The following LRP1B variants were observed in gnomAD, a reference collection of about 807,000 sequenced individuals.
LRP1B encodes LDL receptor related protein 1B.
A neutral mutation model predicts 556.6 loss-of-function variants in LRP1B; 217 were observed. The observed-to-expected ratio is 0.39, with a 90% CI of 0.35 to 0.44. LRP1B has a LOEUF of 0.44. Among genes scored for constraint, LRP1B ranks in the 20% least tolerant of loss-of-function variants. LRP1B has a pLI of 1.00. For missense variants in LRP1B, 5,053 were observed against 5,620.8 expected (o/e 0.90, Z 3.23); for synonymous variants, 2,047 against 1,865.8 (o/e 1.10, Z -2.50).
chr2:141,629,870 C>T (rs985147138), intron 2 of LRP1B, among the ~76,000 whole-genome samples: 1 of 151,960 alleles, frequency 6.6e-6, no homozygotes, highest in Non-Finnish European at 1.5e-5. Flanking sequence ...GATACCCAGC[C>T]AACTATTTGA....
chr2:140,421,681 C>A lies in LRP1B; in HGVS notation c.10414+20823G>T, dbSNP rs1685450973. Reference sequence around the variant, plus strand: ...AATAGACAAAGCATAATTTTAGGGTCTAATGTAAGTTAAGTACACATATAT... The same window carrying A: ...AATAGACAAAGCATAATTTTAGGGTATAATGTAAGTTAAGTACACATATAT... On this transcript the variant is annotated intron_variant, in intron 66 of 90. Coordinates refer to ENST00000389484, the MANE Select transcript of LRP1B (RefSeq NM_018557.3). Among the ~76,000 whole-genome samples, 4 of 152,282 alleles carry A rather than the reference C, an allele frequency of 2.6e-5. No homozygotes were observed. The South Asian group carries it at 8.3e-4, about 32-fold the overall frequency.
intron 1 of LRP1B, among the ~76,000 whole-genome samples, chr2:142,009,440 C>A (rs1221866513): frequency 1.3e-5 from 2 of 152,142 alleles, no homozygotes; most frequent in Non-Finnish European, 2.9e-5. Context: ...TGCATTGATA[C>A]TTCACATGCA....
intron 41 of LRP1B, among the ~76,000 whole-genome samples, chr2:140,629,477 C>T (rs1463018746): frequency 3.3e-5 from 5 of 150,770 alleles, no homozygotes; most frequent in Admixed American, 6.7e-5. Context: ...AGTATAAAAA[C>T]AGGCTTATGT....
At chr2:141,050,382 G>A (rs946350809) in intron 10 of LRP1B, among the ~76,000 whole-genome samples, 2 of 151,808 alleles carry the variant, frequency 1.3e-5, no homozygotes, top group Non-Finnish European at 1.5e-5. Flanking sequence ...GAGTGTGCAG[G>A]TTTGTTACAT....
chr2:140,308,217 T>G (rs1684146139), intron 83 of LRP1B, among the ~76,000 whole-genome samples: 1 of 151,812 alleles, frequency 6.6e-6, no homozygotes, highest in African/African-American at 2.4e-5. Flanking sequence ...CTAGATTTAT[T>G]TGATAAACTG....
In LRP1B at chr2:140,371,265, G is replaced by C. The variant is rs760854078; in HGVS notation, c.10789C>G (p.Arg3597Gly). 1 of 1,579,778 alleles carries C rather than the reference G, an allele frequency of 6.3e-7. No homozygotes were observed. The highest frequency in any genetic ancestry group is 1.4e-5 in the African/African-American group (1 of 73,632). Residue 3597 changes from arginine to glycine, a missense_variant, in exon 70 of 91, where the codon CGT (arginine) becomes GGT (glycine). Around this residue, in one of 5 missense-constraint regions of LRP1B, gnomAD observed 599 missense variants for 648.4 expected, o/e 0.92. Transcript: ENST00000389484. ...CCATCACTGGCACATATATATTCAC[G>C]TGATGAGCAAGTAGGAGAAGCTGAA... ...CEPASPTCSS[R>G]EYICASDGCI...
At chr2:141,688,185 C>G (rs921951371) in intron 2 of LRP1B, among the ~76,000 whole-genome samples, 4 of 151,432 alleles carry the variant, frequency 2.6e-5, no homozygotes, top group Admixed American at 1.3e-4. Flanking sequence ...CGTTTTAGTT[C>G]AAATTTGTAC....
At chr2:141,548,424 T>C (rs956426489) in intron 2 of LRP1B, among the ~76,000 whole-genome samples, 1 of 152,238 alleles carries the variant, frequency 6.6e-6, no homozygotes, top group East Asian at 1.9e-4. Flanking sequence ...GTGAATTAGA[T>C]GTGGATTACA....
At chr2:140,537,490 A>G (rs189160048) in intron 45 of LRP1B, among the ~76,000 whole-genome samples, 37 of 152,106 alleles carry the variant, frequency 2.4e-4, no homozygotes, top group Non-Finnish European at 4.7e-4. Flanking sequence ...GTTTGGAAAT[A>G]TTAGAATTGT....
chr2:140,539,586 G>A (rs539450451), intron 45 of LRP1B, among the ~76,000 whole-genome samples: 19 of 152,036 alleles, frequency 1.2e-4, no homozygotes, highest in African/African-American at 1.7e-4. Flanking sequence ...GGCCTCCACC[G>A]AACAGAAATA....
At chr2:140,366,349 T>C (rs1682760184) in intron 71 of LRP1B, among the ~76,000 whole-genome samples, 1 of 151,674 alleles carries the variant, frequency 6.6e-6, no homozygotes, top group African/African-American at 2.4e-5. Context: ...TGGTAGATGG[T>C]ATTGTTCATT....
chr2:141,453,926 G>A (rs13421313), intron 3 of LRP1B, among the ~76,000 whole-genome samples: 76 of 145,658 alleles, frequency 5.2e-4, no homozygotes, highest in Admixed American at 3.0e-3. Context: ...AAAAAAAAAA[G>A]AAAAAAAAAA....
chr2:141,167,410 G>A (rs765487936), intron 7 of LRP1B: 18 of 151,480 alleles, frequency 1.2e-4, no homozygotes, highest in African/African-American at 3.6e-4. Context: ...TCCAATAATC[G>A]TGTCTATATA....
rs1697542578 is a variant in LRP1B at position 141,005,379 on chromosome 2, C to T, written c.2459G>A (p.Cys820Tyr). Residue 820 changes from cysteine to tyrosine, a missense_variant, in exon 15 of 91, where the codon TGT (cysteine) becomes TAT (tyrosine). Physicochemically the swap from Cys to Tyr is radical, Grantham distance 194. Coordinates refer to ENST00000389484, the MANE Select transcript of LRP1B (RefSeq NM_018557.3). Reference sequence around the variant, plus strand: ...TTCATCCAAAAGTTGATTATCGGCACAAGCACACACCCGGCCTCCTGGGAT... The same window carrying T: ...TTCATCCAAAAGTTGATTATCGGCATAAGCACACACCCGGCCTCCTGGGAT... ...LAIPGGRVCA[C>Y]ADNQLLDENG... The T allele has an allele frequency of 6.2e-7, 1 of 1,610,936 alleles. No homozygotes were observed. Among genetic ancestry groups the T allele is most frequent in the South Asian group, 1.1e-5 (1 of 90,930 alleles).
Position 140,274,611 on chromosome 2 carries a change from G to C in LRP1B, c.12968-13C>G, listed in dbSNP as rs778149535. On this transcript the variant is annotated splice_polypyrimidine_tract_variant and intron_variant, in intron 84 of 90. Transcript: ENST00000389484. The stretch of plus-strand genomic sequence containing the variant: ...TGGTGGCACACGTCTAGGAAAAAAA[G>C]GCACAACAGAAAAATAAAATTATAT... 6.2e-7 allele frequency: 1 copy of C among 1,600,278 alleles called. No individual in the cohort carries two copies. Among genetic ancestry groups the C allele is most frequent in the Non-Finnish European group, 8.5e-7 (1 of 1,172,514 alleles).
At chr2:141,242,757 T>C (rs1683925614) in intron 5 of LRP1B, among the ~76,000 whole-genome samples, 1 of 152,228 alleles carries the variant, frequency 6.6e-6, no homozygotes, top group South Asian at 2.1e-4. Context: ...AGTAGAGCCC[T>C]AGGGGTTCAG....
At chr2:140,379,577 C>A (rs904580415) in intron 67 of LRP1B, among the ~76,000 whole-genome samples, 2 of 152,086 alleles carry the variant, frequency 1.3e-5, no homozygotes, top group Non-Finnish European at 2.9e-5. Context: ...CGCCTGTAAT[C>A]CCAGCTACTT....
At chr2:140,632,290 A>T (rs994965535) in intron 41 of LRP1B, among the ~76,000 whole-genome samples, 1 of 152,162 alleles carries the variant, frequency 6.6e-6, no homozygotes, top group Non-Finnish European at 1.5e-5. Flanking sequence ...TTTTAAAATA[A>T]TAATAGAAAC....
intron 1 of LRP1B, among the ~76,000 whole-genome samples, chr2:141,994,342 G>A (rs923919956): frequency 3.9e-5 from 6 of 152,070 alleles, no homozygotes; most frequent in African/African-American, 1.4e-4. Flanking sequence ...ATAATAGAGG[G>A]AAATAAATCC....
Sources: gnomAD v4.1 joint callset for allele counts (sites outside exome capture counted in the v4.1 genomes callset) on GRCh38, gnomAD v4.1.1 for gene constraint, gnomAD v4.1.1 regional missense constraint, MANE v1.5 for transcripts, NCBI Gene and HGNC (gene_info 2026-07-23, HGNC 2026-07-21) for gene names.